SMAD3: variants seen among roughly 807,000 people sequenced by gnomAD.
The protein encoded by SMAD3 is SMAD family member 3, also known as MAD homolog 3.
Under a neutral mutation model 51.8 loss-of-function variants are expected in SMAD3, and 12 were observed. That is an observed-to-expected ratio of 0.23 (90% CI 0.15 to 0.38). The LOEUF is 0.38. Among genes scored for constraint, SMAD3 ranks in the 10% least tolerant of loss-of-function variants. SMAD3 has a pLI of 1.00. For synonymous variants in SMAD3, 238 were observed against 227.7 expected (o/e 1.05, Z -0.41); for missense variants, 294 against 565.6 (o/e 0.52, Z 4.87).
intron 7 of SMAD3, chr15:67,187,043 T>C (rs1217003668): frequency 1.9e-6 from 1 of 518,078 alleles, no homozygotes; most frequent in Non-Finnish European, 3.7e-6. Flanking sequence ...CTCCACACCA[T>C]CTCCCTATTT....
chr15:67,134,366 C>T (rs1961601465), intron 1 of SMAD3, among the ~76,000 whole-genome samples: 1 of 152,172 alleles, frequency 6.6e-6, no homozygotes, highest in South Asian at 2.1e-4. Context: ...TTTAAGATGC[C>T]ATCCAGCCAT....
At chr15:67,125,868 C>T (rs1961372749) in intron 1 of SMAD3, 15 of 985,340 alleles carry the variant, frequency 1.5e-5, no homozygotes, top group Non-Finnish European at 1.8e-5. Flanking sequence ...TTTATTGCCG[C>T]CGCTCGCTTC....
chr15:67,086,069 C>G (rs2118613), intron 1 of SMAD3, among the ~76,000 whole-genome samples: 68,172 of 149,102 alleles, frequency 0.46, 15,936 homozygotes, highest in South Asian at 0.65. Flanking sequence ...GTTATTTCTG[C>G]TCAGAAACTC....
At chr15:67,168,578 A>G (rs545063508) in intron 4 of SMAD3, among the ~76,000 whole-genome samples, 1 of 152,300 alleles carries the variant, frequency 6.6e-6, no homozygotes, top group African/African-American at 2.4e-5. Context: ...ATTGTTACAA[A>G]CAAACATGGA....
Position 67,167,926 on chromosome 15 carries a change from G to A in SMAD3, c.607+1073G>A, listed in dbSNP as rs372378646. Among the ~76,000 whole-genome samples the A allele has an allele frequency of 9.1e-4, 138 of 152,238 alleles. 1 individual carries two copies. Among genetic ancestry groups the A allele is most frequent in the African/African-American group, 3.1e-3 (129 of 41,546 alleles). On this transcript the variant is annotated intron_variant, in intron 4 of 8. Coordinates refer to ENST00000327367, the MANE Select transcript of SMAD3 (RefSeq NM_005902.4). ...AGACACAGCAGAGCCACCTGCCCTC[G>A]CACACAGCCCAGAAGAGATTGTGCA...
chr15:67,143,853 T>C (rs1401837382), intron 1 of SMAD3, among the ~76,000 whole-genome samples: 4 of 151,828 alleles, frequency 2.6e-5, no homozygotes, highest in Admixed American at 1.3e-4. Flanking sequence ...ATCTGCAACC[T>C]CCGCCTCCTG....
intron 1 of SMAD3, among the ~76,000 whole-genome samples, chr15:67,110,877 G>A (rs1192803615): frequency 6.6e-6 from 1 of 152,222 alleles, no homozygotes; most frequent in African/African-American, 2.4e-5. Flanking sequence ...TGTCCGTAAT[G>A]TTAACATCTT....
At position 67,102,696 on chromosome 15, in the gene SMAD3, T is replaced by C. The variant is rs555273733; in HGVS notation, c.206+36336T>C. Among the ~76,000 whole-genome samples, 8 of 152,198 alleles carry C rather than the reference T, an allele frequency of 5.3e-5. No homozygotes were observed. In the East Asian group the frequency reaches 1.5e-3, roughly 29 times the overall value. On this transcript the variant is annotated intron_variant, in intron 1 of 8. Coordinates refer to ENST00000327367, the MANE Select transcript of SMAD3 (RefSeq NM_005902.4). ...CCTCTTGGTGGTCCTGGCTGGTCAG[T>C]TGCAGGGAGTGACGTTGAATGGACT...
intron 1 of SMAD3, among the ~76,000 whole-genome samples, chr15:67,081,587 A>C (rs573231801): frequency 6.6e-6 from 1 of 152,342 alleles, no homozygotes; most frequent in Admixed American, 6.5e-5. Context: ...GAAGCAGGAA[A>C]GTCAGGCATC....
At chr15:67,183,032 T>TATATATATATATATA (rs59673693) in intron 6 of SMAD3, among the ~76,000 whole-genome samples, 3 of 31,020 alleles carry the variant, frequency 9.7e-5, no homozygotes, top group Non-Finnish European at 1.6e-4. Flanking sequence ...TATATATATA[T>TATATATATATATATA]TTTTTTTTTT....
rs768951907 is a variant in SMAD3, at chr15:67,170,585, C to T, written c.639C>T (p.Ser213=). ...GSPNLSPNPM[S]PAHNNLDLQP... ...CAAACCTATCCCCGAATCCGATGTC[C>T]CCAGCACATAATAACTTGGGTGAGT... The change falls in exon 5 of 9, where the codon TCC becomes TCT. Residue 213 remains serine, a synonymous_variant. Coordinates refer to ENST00000327367, the MANE Select transcript of SMAD3 (RefSeq NM_005902.4). The T allele has an allele frequency of 6.2e-7, 1 of 1,613,996 alleles. No individual in the cohort carries two copies. Among genetic ancestry groups the T allele is most frequent in the South Asian group, 1.1e-5 (1 of 91,080 alleles).
chr15:67,135,606 A>G (rs548672137), intron 1 of SMAD3, among the ~76,000 whole-genome samples: 24 of 152,270 alleles, frequency 1.6e-4, no homozygotes, highest in African/African-American at 5.8e-4. Flanking sequence ...AAGACAAGTT[A>G]ATACATTGCT....
At chr15:67,101,450 C>G (rs1436192797) in intron 1 of SMAD3, among the ~76,000 whole-genome samples, 1 of 152,128 alleles carries the variant, frequency 6.6e-6, no homozygotes, top group Non-Finnish European at 1.5e-5. Flanking sequence ...CCCCCTGACT[C>G]TCCCACCCTC....
At chr15:67,160,167 A>G (rs1962388018) in intron 1 of SMAD3, among the ~76,000 whole-genome samples, 1 of 152,252 alleles carries the variant, frequency 6.6e-6, no homozygotes, top group African/African-American at 2.4e-5. Context: ...ATAAATATGT[A>G]TAGCTACTGT....
chr15:67,177,421 G>GTTTTTTTTTTTT, intron 5 of SMAD3, among the ~76,000 whole-genome samples: 4 of 6,906 alleles, frequency 5.8e-4, no homozygotes, highest in South Asian at 0.01. Flanking sequence ...TAGTGTTTTG[G>GTTTTTTTTTTTT]GTTTTTTTTT....
chr15:67,080,780 C>G (rs1031492666), intron 1 of SMAD3, among the ~76,000 whole-genome samples: 2 of 152,352 alleles, frequency 1.3e-5, no homozygotes, highest in South Asian at 4.1e-4. Context: ...CACGTGGCCC[C>G]GAATAACCCC....
intron 4 of SMAD3, among the ~76,000 whole-genome samples, chr15:67,169,757 C>T (rs192300663): frequency 1.3e-3 from 191 of 152,172 alleles, no homozygotes; most frequent in African/African-American, 3.8e-3. Flanking sequence ...GCCATTGCAC[C>T]CGGCCTCCGC....
At chr15:67,187,062 C>A (rs1004650258) in intron 7 of SMAD3, 40 of 558,052 alleles carry the variant, frequency 7.2e-5, no homozygotes, top group Non-Finnish European at 1.2e-4. Flanking sequence ...TTTTGGAAGC[C>A]CTCTTTGCAG....
chr15:67,141,622 A>C (rs1465366204), intron 1 of SMAD3, among the ~76,000 whole-genome samples: 1 of 152,204 alleles, frequency 6.6e-6, no homozygotes, highest in Non-Finnish European at 1.5e-5. Context: ...ACCAGGCGGC[A>C]AAAATCACAG....
Sources: gnomAD v4.1 joint callset for allele counts (sites outside exome capture counted in the v4.1 genomes callset) on GRCh38, gnomAD v4.1.1 for gene constraint, MANE v1.5 for transcripts, NCBI Gene and HGNC (gene_info 2026-07-23, HGNC 2026-07-21) for gene names.